The following ZFP69 variants were observed in gnomAD, a reference collection of about 807,000 sequenced individuals.
ZFP69 encodes the protein ZFP69 zinc finger protein.
Under a neutral mutation model 48.9 loss-of-function variants are expected in ZFP69, and 35 were observed. The ratio of observed to expected loss-of-function variants is 0.72; its 90% confidence interval spans 0.55 to 0.95. The LOEUF (loss-of-function observed/expected upper bound fraction) is 0.95, where lower values mean the gene tolerates loss of function less well. Among genes scored for constraint, ZFP69 ranks in the 40% least tolerant of loss-of-function variants. The pLI is 0.00. For missense variants in ZFP69, 557 were observed against 638.4 expected, an observed-to-expected ratio of 0.87 and a Z score of 1.37; for synonymous variants, 193 against 216.8, an observed-to-expected ratio of 0.89 and a Z score of 0.96.
Position 40,495,179 on chromosome 1 carries a change from C to A in ZFP69, c.701C>A (p.Ser234Ter), listed in dbSNP as rs1312436255. 7.4e-6 allele frequency: 12 copies of A among 1,613,878 alleles called. No individual in the cohort carries two copies. Among genetic ancestry groups the A allele is most frequent in the Non-Finnish European group, 1.0e-5 (12 of 1,180,002 alleles). ...NKFGENIIVH[S>*]NVIIEQRHHK... ...TTTGGGGAAAATATCATTGTGCATT[C>A]AAATGTTATTATTGAACAGAGGCAC... The change falls in exon 6 of 6, where the codon TCA (serine) becomes TAA (stop). Residue 234 changes from serine (S) to a stop codon, truncating the protein, a stop_gained. Transcript: ENST00000372706. LOFTEE classifies it high-confidence loss of function.
At chr1:40,483,252 C>T in intron 3 of ZFP69, among the ~76,000 whole-genome samples, 1 of 80,172 alleles carries the variant, frequency 1.2e-5, no homozygotes, top group East Asian at 9.0e-4. Context: ...TTTTTAGAGA[C>T]TGAGTCTCAC....
chr1:40,492,761 A>G (rs1289089221), intron 5 of ZFP69, among the ~76,000 whole-genome samples: 1 of 152,090 alleles, frequency 6.6e-6, no homozygotes, highest in African/African-American at 2.4e-5. Context: ...CCATTTATTG[A>G]TATTTCCTAA....
chr1:40,480,428 G>C (rs1361963227), intron 2 of ZFP69, among the ~76,000 whole-genome samples: 7 of 151,716 alleles, frequency 4.6e-5, no homozygotes, highest in Admixed American at 4.6e-4. Context: ...ACCACGCCTG[G>C]CTAATTTTTG....
At chr1:40,481,016 C>G (rs969572424) in intron 2 of ZFP69, among the ~76,000 whole-genome samples, 1 of 152,148 alleles carries the variant, frequency 6.6e-6, no homozygotes, top group South Asian at 2.1e-4. Flanking sequence ...ACCATAATGG[C>G]CAGGCTGGTC....
Position 40,496,055 on chromosome 1 carries a change from T to G in ZFP69, c.1577T>G (p.Val526Gly). 1.9e-6 allele frequency: 3 copies of G among 1,563,954 alleles called. No homozygotes were observed. The highest frequency in any genetic ancestry group is 2.6e-6 in the Non-Finnish European group (3 of 1,157,726). ...AGGAGGAACGCCTTCCGAAATAAGG[T>G]GTAAAAACAGATATTTGACTTGAGA... ...IHRRNAFRNK[V>G] The change falls in exon 6 of 6, where the codon GTG becomes GGG. Residue 526 changes from valine (V) to glycine (G), a missense_variant. Val to Gly is a moderately radical substitution (Grantham distance 109). Coordinates refer to ENST00000372706, the MANE Select transcript of ZFP69 (RefSeq NM_001320179.2).
chr1:40,489,203 T>C lies in ZFP69; in HGVS notation c.335T>C (p.Leu112Ser). The change falls in exon 4 of 6, where the codon TTG (leucine) becomes TCG (serine). Residue 112 changes from leucine to serine, a missense_variant. Leu to Ser is a moderately radical substitution (Grantham distance 145). Coordinates refer to ENST00000372706, the MANE Select transcript of ZFP69 (RefSeq NM_001320179.2). ...REVMLENYSN[L>S]VSVGYQLSKP... ...GTGATGCTGGAGAACTACAGCAACT[T>C]GGTGTCAGTGGGTAAGACTTGGCTA... is the stretch of plus-strand genomic sequence containing the variant. The C allele has an allele frequency of 1.2e-6, 2 of 1,614,130 alleles. No individual in the cohort carries two copies. The highest frequency in any genetic ancestry group is 3.3e-5 in the Admixed American group (2 of 60,016).
intron 5 of ZFP69, among the ~76,000 whole-genome samples, chr1:40,491,613 T>C (rs956500565): frequency 6.6e-6 from 1 of 152,178 alleles, no homozygotes; most frequent in African/African-American, 2.4e-5. Context: ...AAAGGAAGTA[T>C]ATTTCTCATG....
chr1:40,494,422 C>T (rs1645603289), intron 5 of ZFP69, among the ~76,000 whole-genome samples: 1 of 145,236 alleles, frequency 6.9e-6, no homozygotes, highest in Admixed American at 6.9e-5. Context: ...GCGCCCGCCA[C>T]TACGCCCGGC....
chr1:40,492,464 C>A (rs1359766342), intron 5 of ZFP69, among the ~76,000 whole-genome samples: 1 of 151,936 alleles, frequency 6.6e-6, no homozygotes, highest in East Asian at 1.9e-4. Context: ...TTGTTTTATT[C>A]TTTTGTTTTT....
At chr1:40,489,051 G>A (rs1447500458) in intron 3 of ZFP69, 37 bp from the exon 4 acceptor site, 1 of 1,612,702 alleles carries the variant, frequency 6.2e-7, no homozygotes, top group Non-Finnish European at 8.5e-7. Context: ...TAACAGAGGT[G>A]GTCTCCGGCT....
chr1:40,481,241 A>G (rs1263794134), intron 2 of ZFP69, among the ~76,000 whole-genome samples: 1 of 142,064 alleles, frequency 7.0e-6, no homozygotes, highest in Non-Finnish European at 1.5e-5. Flanking sequence ...GGGCATCTTT[A>G]GTCTGACTGA....
intron 3 of ZFP69, among the ~76,000 whole-genome samples, chr1:40,487,384 AAGTT>A (rs375131521): frequency 1.5e-3 from 231 of 152,262 alleles, no homozygotes; most frequent in African/African-American, 5.4e-3. Context: ...AATTAAGAAA[AAGTT>A]AGGTATGTTA....
intron 5 of ZFP69, among the ~76,000 whole-genome samples, chr1:40,494,627 A>G (rs959819323): frequency 3.4e-5 from 5 of 146,952 alleles, no homozygotes; most frequent in African/African-American, 1.2e-4. Context: ...TATATATAAA[A>G]TATACATTAT....
intron 5 of ZFP69, among the ~76,000 whole-genome samples, chr1:40,491,968 TTTC>T (rs1645574079): frequency 2.6e-5 from 4 of 152,122 alleles, no homozygotes; most frequent in Non-Finnish European, 4.4e-5. Context: ...TTATCAGGAT[TTTC>T]TTTATTGTTT....
chr1:40,492,751 C>T (rs1015225043), intron 5 of ZFP69, among the ~76,000 whole-genome samples: 1 of 152,146 alleles, frequency 6.6e-6, no homozygotes, highest in Admixed American at 6.5e-5. Context: ...ATATAGCACT[C>T]CATTTATTGA....
chr1:40,490,820 T>A (rs930925448), intron 5 of ZFP69: 2 of 152,226 alleles, frequency 1.3e-5, no homozygotes, highest in Non-Finnish European at 2.9e-5. Context: ...ACCAAAGGAT[T>A]CCTTCTCAAC....
At chr1:40,480,518 A>G (rs1645433343) in intron 2 of ZFP69, among the ~76,000 whole-genome samples, 1 of 151,894 alleles carries the variant, frequency 6.6e-6, no homozygotes, top group Non-Finnish European at 1.5e-5. Context: ...TTAGGAACAC[A>G]GTTAGATGCC....
intron 3 of ZFP69, among the ~76,000 whole-genome samples, chr1:40,486,873 A>G (rs1336799221): frequency 3.3e-5 from 5 of 151,552 alleles, no homozygotes; most frequent in African/African-American, 1.2e-4. Context: ...AGCCCATCCA[A>G]TGAATTTTTA....
Position 40,485,599 on chromosome 1 carries a change from G to A in ZFP69, c.220-3489G>A, listed in dbSNP as rs145311202. Among the ~76,000 whole-genome samples the A allele has an allele frequency of 5.9e-4, 90 of 151,856 alleles. 1 individual carries two copies. The East Asian group carries it at 0.017, about 28-fold the overall frequency. The stretch of plus-strand genomic sequence containing the variant: ...TCTTCCTTTTTCCCTTTCATTCCAG[G>A]TTTCTATCTTGCATCATTTCCCTTC... On this transcript the variant is annotated intron_variant, in intron 3 of 5. Transcript: ENST00000372706.
Sources: allele counts gnomAD v4.1 joint callset (sites outside exome capture counted in the v4.1 genomes callset), GRCh38; gene constraint gnomAD v4.1.1; transcripts MANE v1.5; gene names NCBI Gene and HGNC (gene_info 2026-07-23, HGNC 2026-07-21).